The following GBE1 variants were observed in gnomAD, a reference collection of about 807,000 sequenced individuals.
GBE1 encodes the protein 1,4-alpha-glucan branching enzyme 1.
Under a neutral mutation model 88.8 loss-of-function variants are expected in GBE1, and 70 were observed. That is an observed-to-expected ratio of 0.79 (90% confidence interval 0.65 to 0.96). GBE1 has a LOEUF of 0.96. Ranked by LOEUF, GBE1 falls within the 40% of genes least tolerant of loss-of-function variation. GBE1 has a pLI of 0.00. For missense variants in GBE1, 872 were observed against 871.0 expected, an observed-to-expected ratio of 1.00 and a Z score of -0.01; for synonymous variants, 284 against 300.1, an observed-to-expected ratio of 0.95 and a Z score of 0.56.
chr3:81,620,756 T>C (rs1362870420), intron 7 of GBE1, among the ~76,000 whole-genome samples: 1 of 152,146 alleles, frequency 6.6e-6, no homozygotes, highest in African/African-American at 2.4e-5. Context: ...AGGAACGTCC[T>C]GATTGAGTTG....
At chr3:81,603,748 G>A (rs570239941) in intron 7 of GBE1, among the ~76,000 whole-genome samples, 231 of 151,918 alleles carry the variant, frequency 1.5e-3, no homozygotes, top group African/African-American at 5.3e-3. Context: ...CACCCACCTC[G>A]GCCTCCCAAA....
At chr3:81,499,065 A>G (rs774558244) in intron 15 of GBE1, 45 bp downstream of exon 15, 2 of 995,570 alleles carry the variant, frequency 2.0e-6, no homozygotes, top group South Asian at 1.5e-5. Context: ...CTATAATAAA[A>G]GAGTAAATTA....
At chr3:81,501,374 A>G (rs541626592) in intron 14 of GBE1, among the ~76,000 whole-genome samples, 4 of 152,300 alleles carry the variant, frequency 2.6e-5, no homozygotes, top group African/African-American at 4.8e-5. Context: ...AGGAAAGACA[A>G]CTTTTTCACG....
chr3:81,589,312 T>C (rs993703377), intron 9 of GBE1, among the ~76,000 whole-genome samples: 2 of 151,978 alleles, frequency 1.3e-5, no homozygotes, highest in South Asian at 2.1e-4. Context: ...TCATTATAAA[T>C]AAATTCATAT....
intron 3 of GBE1, among the ~76,000 whole-genome samples, chr3:81,660,076 G>A (rs1438944811): frequency 6.6e-6 from 1 of 152,130 alleles, no homozygotes; most frequent in Non-Finnish European, 1.5e-5. Context: ...CAACCATCAA[G>A]AAATAAGAAA....
intron 7 of GBE1, among the ~76,000 whole-genome samples, chr3:81,611,185 C>T (rs987665046): frequency 1.6e-4 from 24 of 152,078 alleles, no homozygotes; most frequent in African/African-American, 5.8e-4. Flanking sequence ...GACACAATTG[C>T]ACTTTTCAAG....
rs1235055967 is a variant in GBE1 at position 81,750,621 on chromosome 3, ATATATATACG to A, written c.143+10744_143+10753del. Reference sequence around the variant, plus strand: ...TATATGTGTATATATATATATGTATATATATATACGTATATATATATATGTATATATATAT... The same window carrying A: ...TATATGTGTATATATATATATGTATATATATATATATATGTATATATATAT... On this transcript the variant is annotated intron_variant, in intron 1 of 15. Coordinates refer to ENST00000429644, the MANE Select transcript of GBE1 (RefSeq NM_000158.4). Among the ~76,000 whole-genome samples the A allele has an allele frequency of 1.6e-3, 113 of 69,396 alleles. 7 individuals carry two copies. In the East Asian group the frequency reaches 0.02, roughly 13 times the overall value. 45.5% of individuals were successfully genotyped at this position (69,396 alleles called of 152,430 possible). A position where few individuals can be genotyped will look rare whatever the true frequency, so the allele number is the denominator to read the frequency against.
At chr3:81,739,275 T>G (rs900607861) in intron 1 of GBE1, among the ~76,000 whole-genome samples, 1 of 152,200 alleles carries the variant, frequency 6.6e-6, no homozygotes, top group Non-Finnish European at 1.5e-5. Context: ...GACCCAAGTC[T>G]CAGCTTTTAA....
At position 81,744,544 on chromosome 3, in the gene GBE1, T is replaced by C. The variant is rs1368588099; in HGVS notation, c.143+16831A>G. On this transcript the variant is annotated intron_variant, in intron 1 of 15. Transcript: ENST00000429644. ...ACACTCATAATGTCCCTTGACTCACTCAGGAATGCAGCCACTTAGCTTACT... is the reference window on the plus strand; with the variant it reads ...ACACTCATAATGTCCCTTGACTCACCCAGGAATGCAGCCACTTAGCTTACT... Among the ~76,000 whole-genome samples, 3 of 152,134 alleles carry C rather than the reference T, an allele frequency of 2.0e-5. No homozygotes were observed. The East Asian group carries it at 5.8e-4, about 29-fold the overall frequency.
At chr3:81,653,173 T>A (rs1200198915) in intron 3 of GBE1, among the ~76,000 whole-genome samples, 4 of 152,036 alleles carry the variant, frequency 2.6e-5, no homozygotes, top group Non-Finnish European at 5.9e-5. Context: ...TTCAGAAAAA[T>A]TAATTCCAGG....
intron 2 of GBE1, 26 bp from the exon 3 acceptor site, chr3:81,670,979 A>G: frequency 8.6e-7 from 1 of 1,164,412 alleles, no homozygotes. Context: ...AGATCAGTTA[A>G]CAACAGCATG....
intron 1 of GBE1, among the ~76,000 whole-genome samples, chr3:81,755,906 TG>T (rs1345128420): frequency 6.6e-6 from 1 of 152,128 alleles, no homozygotes; most frequent in African/African-American, 2.4e-5. Flanking sequence ...GTAAAAATGG[TG>T]AATTATATAT....
chr3:81,553,752 T>A (rs1186683712), intron 12 of GBE1, among the ~76,000 whole-genome samples: 2 of 149,688 alleles, frequency 1.3e-5, no homozygotes, highest in Non-Finnish European at 3.0e-5. Flanking sequence ...GAGGAACATA[T>A]CTATACCATC....
At chr3:81,509,500 G>C (rs895135801) in intron 14 of GBE1, 5 of 151,848 alleles carry the variant, frequency 3.3e-5, no homozygotes, top group South Asian at 2.1e-4. Flanking sequence ...TTTTGGCTAA[G>C]ATCAAGTGTA....
chr3:81,621,266 A>T (rs1271165102), intron 7 of GBE1, among the ~76,000 whole-genome samples: 1 of 152,202 alleles, frequency 6.6e-6, no homozygotes, highest in East Asian at 1.9e-4. Flanking sequence ...CCTTATAATT[A>T]TACCTCCTGC....
At chr3:81,515,614 C>T (rs1702787911) in intron 14 of GBE1, among the ~76,000 whole-genome samples, 1 of 151,524 alleles carries the variant, frequency 6.6e-6, no homozygotes, top group South Asian at 2.1e-4. Context: ...AAATCAAAAA[C>T]TAGAAATGAT....
chr3:81,745,355 A>G (rs960877172), intron 1 of GBE1, among the ~76,000 whole-genome samples: 3 of 152,176 alleles, frequency 2.0e-5, no homozygotes, highest in African/African-American at 7.2e-5. Flanking sequence ...TATAGCTTAC[A>G]TATTTACAGA....
intron 1 of GBE1, among the ~76,000 whole-genome samples, chr3:81,738,863 T>C (rs1477854939): frequency 6.6e-6 from 1 of 152,186 alleles, no homozygotes; most frequent in Non-Finnish European, 1.5e-5. Context: ...TGTCAGTCCA[T>C]TCAGGCTGCT....
intron 14 of GBE1, among the ~76,000 whole-genome samples, chr3:81,521,525 T>C (rs1394881430): frequency 6.6e-6 from 1 of 151,504 alleles, no homozygotes; most frequent in Admixed American, 6.6e-5. Context: ...ACACTGTAGG[T>C]TAAAAGTACA....
Sources: gnomAD v4.1 joint callset for allele counts (sites outside exome capture counted in the v4.1 genomes callset) on GRCh38, gnomAD v4.1.1 for gene constraint, MANE v1.5 for transcripts, NCBI Gene and HGNC (gene_info 2026-07-23, HGNC 2026-07-21) for gene names.